AP4E1: variants seen among roughly 807,000 people sequenced by gnomAD.
The protein encoded by AP4E1 is adaptor related protein complex 4 subunit epsilon 1, also known as AP-4 complex subunit epsilon-1.
Under a neutral mutation model 128.2 loss-of-function variants are expected in AP4E1, and 56 were observed. The observed-to-expected ratio is 0.44, with a 90% CI of 0.35 to 0.55. AP4E1 has a LOEUF of 0.55. AP4E1 is among the 20% of genes least tolerant of loss of function. The pLI, the probability that AP4E1 is intolerant of heterozygous loss-of-function variation, is 0.00. For synonymous variants in AP4E1, 484 were observed against 473.1 expected, an observed-to-expected ratio of 1.02 and a Z score of -0.30; for missense variants, 1,324 against 1,307.7, an observed-to-expected ratio of 1.01 and a Z score of -0.19.
intron 13 of AP4E1, among the ~76,000 whole-genome samples, chr15:50,951,089 T>G (rs556975042): frequency 6.6e-6 from 1 of 152,350 alleles, no homozygotes; most frequent in African/African-American, 2.4e-5. Context: ...CTTAGTGGCT[T>G]AAGACAATAC....
At chr15:50,991,510 A>G (rs1032177305) in intron 16 of AP4E1, among the ~76,000 whole-genome samples, 1 of 152,124 alleles carries the variant, frequency 6.6e-6, no homozygotes, top group Non-Finnish European at 1.5e-5. Flanking sequence ...TATGGCAAGT[A>G]CAACCAATTT....
intron 18 of AP4E1, 69 bp from the exon 19 acceptor site, chr15:50,999,003 A>G: frequency 7.1e-7 from 1 of 1,413,590 alleles, no homozygotes; most frequent in South Asian, 1.2e-5. Flanking sequence ...TAAATAGAAA[A>G]TTGGTAGTCA....
chr15:50,976,521 A>T (rs937492858), intron 15 of AP4E1, among the ~76,000 whole-genome samples: 4 of 152,166 alleles, frequency 2.6e-5, no homozygotes, highest in Non-Finnish European at 5.9e-5. Context: ...ACAGTACTGG[A>T]AGTATTAGCC....
In AP4E1 at chr15:50,929,072, A is replaced by T; in HGVS notation, c.606A>T (p.Gln202His). ...LYKFHLIAPN[Q>H]VQHIHIKFRK... ...AATTCCATCTCATTGCTCCTAATCA[A>T]GTACAACATATTCATATTAAGTTTC... Residue 202 changes from glutamine (Q) to histidine (H), a missense_variant, in exon 6 of 21, where the codon CAA becomes CAT. Coordinates refer to ENST00000261842, the MANE Select transcript of AP4E1 (RefSeq NM_007347.5). 1.2e-6 allele frequency: 2 copies of T among 1,613,940 alleles called. No homozygotes were observed. The highest frequency in any genetic ancestry group is 8.5e-7 in the Non-Finnish European group (1 of 1,179,908).
chr15:50,982,140 A>G (rs56222335), intron 15 of AP4E1, among the ~76,000 whole-genome samples: 2,696 of 149,614 alleles, frequency 0.018, 100 homozygotes, highest in African/African-American at 0.063. Context: ...CTCTTGCACT[A>G]TCTTCCCTTC....
At chr15:50,926,509 A>AT (rs2063771138) in intron 5 of AP4E1, among the ~76,000 whole-genome samples, 1 of 152,018 alleles carries the variant, frequency 6.6e-6, no homozygotes, top group African/African-American at 2.4e-5. Flanking sequence ...CTTGATGAAG[A>AT]TTTTTTTGTT....
intron 3 of AP4E1, among the ~76,000 whole-genome samples, chr15:50,922,797 AG>A (rs2063722652): frequency 2.1e-5 from 3 of 140,270 alleles, no homozygotes; most frequent in Non-Finnish European, 4.7e-5. Flanking sequence ...TTTTTTTTTG[AG>A]ACCGAGTCTT....
chr15:51,000,629 T>C (rs1180344507), intron 19 of AP4E1, among the ~76,000 whole-genome samples: 1 of 152,236 alleles, frequency 6.6e-6, no homozygotes, highest in African/African-American at 2.4e-5. Flanking sequence ...TTACTTAAGG[T>C]GCAAGATCTT....
chr15:50,922,287 G>A (rs1001205765), intron 3 of AP4E1, among the ~76,000 whole-genome samples: 5 of 151,976 alleles, frequency 3.3e-5, no homozygotes, highest in African/African-American at 9.7e-5. Context: ...AGTTTTGATC[G>A]TGCCACTGCC....
intron 15 of AP4E1, among the ~76,000 whole-genome samples, chr15:50,982,324 T>C (rs1443785111): frequency 6.6e-6 from 1 of 152,156 alleles, no homozygotes; most frequent in Admixed American, 6.6e-5. Flanking sequence ...ATGATTAAGT[T>C]AGATGATTAA....
At chr15:50,964,069 T>G (rs928520215) in intron 14 of AP4E1, among the ~76,000 whole-genome samples, 5 of 152,242 alleles carry the variant, frequency 3.3e-5, no homozygotes, top group African/African-American at 1.2e-4. Context: ...TGGGAAGTTT[T>G]TAGCTATTAT....
chr15:50,954,766 A>G (rs1251326178), intron 13 of AP4E1, among the ~76,000 whole-genome samples: 6 of 152,196 alleles, frequency 3.9e-5, no homozygotes, highest in African/African-American at 1.4e-4. Flanking sequence ...ACATATGTAT[A>G]CATGTGCCAT....
chr15:50,950,347 A>G (rs939831627), intron 13 of AP4E1, among the ~76,000 whole-genome samples, 178 bp downstream of exon 13: 1 of 151,988 alleles, frequency 6.6e-6, no homozygotes, highest in Non-Finnish European at 1.5e-5. Context: ...CTGCCATCTC[A>G]CTTGTTTGGT....
At chr15:50,960,455 T>C (rs2170011) in intron 14 of AP4E1, among the ~76,000 whole-genome samples, 65,905 of 151,752 alleles carry the variant, frequency 0.43, 14,507 homozygotes, top group East Asian at 0.59. Context: ...AACTAGAAAT[T>C]AATAATAAAA....
chr15:50,972,489 A>G (rs988756183), intron 15 of AP4E1, among the ~76,000 whole-genome samples: 4 of 152,060 alleles, frequency 2.6e-5, no homozygotes, highest in Non-Finnish European at 5.9e-5. Context: ...TGGGATTACA[A>G]GTGTGAGCCA....
intron 2 of AP4E1, among the ~76,000 whole-genome samples, chr15:50,913,038 G>A (rs913429026): frequency 2.6e-5 from 4 of 151,920 alleles, no homozygotes; most frequent in Non-Finnish European, 5.9e-5. Flanking sequence ...AGTGTCTTCA[G>A]TATATAAGCC....
rs972293099 is a variant in AP4E1 at position 51,002,964 on chromosome 15, A to G, written c.*302A>G. ...AGGGACTGAAAATATTTATTTTGTT[A>G]TAAATAATTTTATAGCACGTTTACT... On this transcript the variant is annotated 3_prime_UTR_variant, in exon 21 of 21. Transcript: ENST00000261842. 2 of 273,506 alleles carry G rather than the reference A, an allele frequency of 7.3e-6. No individual in the cohort carries two copies. The highest frequency in any genetic ancestry group is 4.9e-5 in the Admixed American group (1 of 20,514). 16.9% of individuals were successfully genotyped at this position (273,506 alleles called of 1,614,324 possible).
rs757707009 is a variant in AP4E1 at position 50,984,075 on chromosome 15, C to T, written c.2020C>T (p.Arg674Ter). ...LSFSSSGFTG[R>*]QSPAGISLGS... is the part of the protein sequence containing the mutation. Reference sequence around the variant, plus strand: ...CTTTTCTTCATCTGGCTTCACTGGACGACAGTCTCCTGCTGGCATTTCTCT... The same window carrying T: ...CTTTTCTTCATCTGGCTTCACTGGATGACAGTCTCCTGCTGGCATTTCTCT... The change falls in exon 16 of 21, where the codon CGA becomes TGA. Residue 674 changes from arginine to a stop codon, truncating the protein, a stop_gained. Coordinates refer to ENST00000261842, the MANE Select transcript of AP4E1 (RefSeq NM_007347.5). LOFTEE classifies it high-confidence loss of function. The T allele has an allele frequency of 9.3e-6, 15 of 1,613,184 alleles. No individual in the cohort carries two copies. The highest frequency in any genetic ancestry group is 1.3e-5 in the African/African-American group (1 of 74,840).
intron 13 of AP4E1, among the ~76,000 whole-genome samples, chr15:50,954,252 T>C (rs1332167827): frequency 6.6e-6 from 1 of 152,222 alleles, no homozygotes; most frequent in Non-Finnish European, 1.5e-5. Flanking sequence ...ATCAAAGTAA[T>C]ACTAGTTTCA....
Sources: allele counts gnomAD v4.1 joint callset (sites outside exome capture counted in the v4.1 genomes callset), GRCh38; gene constraint gnomAD v4.1.1; transcripts MANE v1.5; gene names NCBI Gene and HGNC (gene_info 2026-07-23, HGNC 2026-07-21).